Variants in RUNX1 observed in about 807,000 individuals in gnomAD.
RUNX1 encodes the protein runt-related transcription factor 1.
RUNX1 carries 19 observed loss-of-function variants against 42.8 expected under a neutral mutation model. The observed-to-expected ratio is 0.44, with a 90% CI of 0.31 to 0.65. The LOEUF is 0.65. Among genes scored for constraint, RUNX1 ranks in the 30% least tolerant of loss-of-function variants. The pLI, the probability that RUNX1 is intolerant of heterozygous loss-of-function variation, is 0.07. For synonymous variants in RUNX1, 271 were observed against 289.4 expected (o/e 0.94, Z 0.64); for missense variants, 528 against 672.0 (o/e 0.79, Z 2.37).
At chr21:34,821,537 C>A in intron 7 of RUNX1, 1 of 1,524,716 alleles carries the variant, frequency 6.6e-7, no homozygotes, top group Non-Finnish European at 8.9e-7. Context: ...TACAGACCCA[C>A]ATTCTGCCTT....
chr21:34,968,557 A>G (rs1458927568), intron 2 of RUNX1, among the ~76,000 whole-genome samples: 2 of 151,846 alleles, frequency 1.3e-5, no homozygotes, highest in Non-Finnish European at 2.9e-5. Context: ...CAAGACTAAG[A>G]CCCTCTAGAA....
intron 2 of RUNX1, among the ~76,000 whole-genome samples, chr21:34,924,664 T>C (rs567537687): frequency 3.3e-5 from 5 of 152,218 alleles, no homozygotes; most frequent in Non-Finnish European, 7.3e-5. Flanking sequence ...AGGAGTATCA[T>C]GTTTATTATG....
chr21:34,916,336 C>CAACG (rs2058312058), intron 2 of RUNX1, among the ~76,000 whole-genome samples: 1 of 152,156 alleles, frequency 6.6e-6, no homozygotes. Context: ...ACCCCATGTT[C>CAACG]AACGAACATA....
chr21:34,792,679 G>C lies in RUNX1; in HGVS notation c.968-69C>G. 1 of 1,408,062 alleles carries C rather than the reference G, an allele frequency of 7.1e-7. No individual in the cohort carries two copies. The highest frequency in any genetic ancestry group is 1.3e-5 in the South Asian group (1 of 74,658). 87.2% of individuals were successfully genotyped at this position (1,408,062 alleles called of 1,614,324 possible). Reference sequence around the variant, plus strand: ...TGCGGAGGCCACAGCTCTTCCCTCTGCCCCAGGGGGCTACCCAGGATGATA... The same window carrying C: ...TGCGGAGGCCACAGCTCTTCCCTCTCCCCCAGGGGGCTACCCAGGATGATA... On this transcript the variant is annotated intron_variant, in intron 8 of 8. Coordinates refer to ENST00000675419, the MANE Select transcript of RUNX1 (RefSeq NM_001754.5). The surrounding 1 kb of genome is among the most constrained non-coding windows in gnomAD (Gnocchi z 6.9).
In RUNX1 at chr21:34,792,991, A is replaced by G. The variant is rs2056470918; in HGVS notation, c.968-381T>C. ...AGGATGACACCACCTGGGAGGATGG[A>G]GACCACCCAGGATGCTACCGCCTAG... On this transcript the variant is annotated intron_variant, in intron 8 of 8. Coordinates refer to ENST00000675419, the MANE Select transcript of RUNX1 (RefSeq NM_001754.5). The surrounding 1 kb of genome is among the most constrained non-coding windows in gnomAD (Gnocchi z 6.9). 6.8e-6 allele frequency among the ~76,000 whole-genome samples: 1 copy of G among 147,736 alleles called. No homozygotes were observed. The highest frequency in any genetic ancestry group is 1.5e-5 in the Non-Finnish European group (1 of 66,754).
chr21:34,964,577 C>T (rs2834697), intron 2 of RUNX1, among the ~76,000 whole-genome samples: 81,852 of 151,586 alleles, frequency 0.54, 22,432 homozygotes, highest in African/African-American at 0.63. Context: ...TGGTACTAAT[C>T]TAGAATTACA....
intron 2 of RUNX1, among the ~76,000 whole-genome samples, chr21:35,008,762 G>GA (rs1267087915): frequency 6.6e-6 from 1 of 152,150 alleles, no homozygotes; most frequent in African/African-American, 2.4e-5. Flanking sequence ...ACCTAGTGGT[G>GA]GACTCGGTGC....
intron 2 of RUNX1, among the ~76,000 whole-genome samples, chr21:35,022,666 G>A (rs1352804972): frequency 1.3e-5 from 2 of 152,062 alleles, no homozygotes; most frequent in African/African-American, 2.4e-5. Flanking sequence ...AGGCTGAGGC[G>A]GGCGGATCAT....
At chr21:34,934,085 G>C (rs1252063413) in intron 2 of RUNX1, among the ~76,000 whole-genome samples, 3 of 152,168 alleles carry the variant, frequency 2.0e-5, no homozygotes, top group Non-Finnish European at 4.4e-5. Context: ...TTTGTTCTAA[G>C]ACACAGCAGA....
chr21:34,818,785 T>A (rs772181600), intron 7 of RUNX1, among the ~76,000 whole-genome samples: 20 of 152,226 alleles, frequency 1.3e-4, no homozygotes, highest in Non-Finnish European at 2.8e-4. Context: ...CCTGCCTGTT[T>A]GGGTTATTTG....
chr21:34,852,249 G>A (rs2057432618), intron 6 of RUNX1, among the ~76,000 whole-genome samples: 1 of 152,128 alleles, frequency 6.6e-6, no homozygotes, highest in South Asian at 2.1e-4. Flanking sequence ...GACAGGAAAA[G>A]TTACCAAGAA....
At chr21:34,927,088 A>T (rs917589748) in intron 2 of RUNX1, among the ~76,000 whole-genome samples, 1 of 152,206 alleles carries the variant, frequency 6.6e-6, no homozygotes, top group African/African-American at 2.4e-5. Flanking sequence ...CAGTAGGAAA[A>T]AAAAGAAAGT....
intron 2 of RUNX1, among the ~76,000 whole-genome samples, chr21:34,951,504 A>G (rs996690294): frequency 6.6e-6 from 1 of 152,224 alleles, no homozygotes; most frequent in Non-Finnish European, 1.5e-5. Flanking sequence ...AATATCCAGA[A>G]TCTGTGAAGA....
intron 8 of RUNX1, among the ~76,000 whole-genome samples, chr21:34,796,079 G>C (rs1387105008): frequency 2.0e-5 from 3 of 152,234 alleles, no homozygotes; most frequent in Non-Finnish European, 2.9e-5. Context: ...ATGGTACCAA[G>C]TTACTGGAAT....
chr21:35,040,020 T>C (rs548533669), intron 2 of RUNX1, among the ~76,000 whole-genome samples: 1 of 152,368 alleles, frequency 6.6e-6, no homozygotes, highest in African/African-American at 2.4e-5. Context: ...AGAACACTCC[T>C]GAAGGGGAGG....
At chr21:35,032,654 CA>C (rs1208630520) in intron 2 of RUNX1, among the ~76,000 whole-genome samples, 10 of 152,216 alleles carry the variant, frequency 6.6e-5, no homozygotes, top group African/African-American at 2.4e-4. Context: ...TCTCCTTGCA[CA>C]CTTGTCCAGC....
intron 8 of RUNX1, among the ~76,000 whole-genome samples, chr21:34,798,643 T>C (rs1417923582): frequency 6.6e-6 from 1 of 152,204 alleles, no homozygotes; most frequent in African/African-American, 2.4e-5. Context: ...ATTAGACATA[T>C]ACAGACTTTT....
At chr21:35,037,937 T>TA (rs397814257) in intron 2 of RUNX1, among the ~76,000 whole-genome samples, 49 of 151,630 alleles carry the variant, frequency 3.2e-4, no homozygotes, top group African/African-American at 1.2e-3. Context: ...TTTTTTTTTT[T>TA]ATCTTCATAC....
intron 3 of RUNX1, 161 bp from the exon 4 acceptor site, chr21:34,887,257 G>GGGGGGGGGGGGTGT: frequency 7.6e-7 from 1 of 1,309,544 alleles, no homozygotes; most frequent in South Asian, 1.6e-5. Context: ...GGGGGCGGGG[G>GGGGGGGGGGGGTGT]TGGTTAGGGG....
Sources: allele counts gnomAD v4.1 joint callset (sites outside exome capture counted in the v4.1 genomes callset), GRCh38; gene constraint gnomAD v4.1.1; non-coding constraint Gnocchi (gnomAD v3.1); transcripts MANE v1.5; gene names NCBI Gene and HGNC (gene_info 2026-07-23, HGNC 2026-07-21).